The following LYPLAL1 variants were observed in gnomAD, a reference collection of about 807,000 sequenced individuals.
LYPLAL1 encodes lysophospholipase like 1.
A neutral mutation model predicts 19.7 loss-of-function variants in LYPLAL1; 23 were observed. That is an observed-to-expected ratio of 1.17 (90% CI 0.84 to 1.65). The LOEUF (loss-of-function observed/expected upper bound fraction) is 1.65, where lower values mean the gene tolerates loss of function less well. Among genes scored for constraint, LYPLAL1 ranks in the 40% most tolerant of loss-of-function variants. The pLI is 0.00. For missense variants in LYPLAL1, 355 were observed against 279.4 expected (o/e 1.27, Z -1.93); for synonymous variants, 119 against 96.3 (o/e 1.24, Z -1.38).
chr1:219,397,756 A>G, the LYPLAL1 span, among the ~76,000 whole-genome samples: 6 of 152,228 alleles, frequency 3.9e-5, no homozygotes, highest in Non-Finnish European at 8.8e-5. Flanking sequence ...TGGTGGTAAC[A>G]AATTCCCTCA....
chr1:219,342,791 C>A, the LYPLAL1 span, among the ~76,000 whole-genome samples: 1 of 152,124 alleles, frequency 6.6e-6, no homozygotes, highest in Admixed American at 6.6e-5. Context: ...TGAGTTGACT[C>A]ATTGTTTTTC....
intron 2 of LYPLAL1, among the ~76,000 whole-genome samples, chr1:219,179,773 A>G (rs1251437715): frequency 6.6e-6 from 1 of 152,212 alleles, no homozygotes; most frequent in Non-Finnish European, 1.5e-5. Flanking sequence ...TATAACCTGT[A>G]GGTGTGTGCA....
the LYPLAL1 span, among the ~76,000 whole-genome samples, chr1:219,297,427 G>T: frequency 3.3e-5 from 5 of 152,304 alleles, no homozygotes; most frequent in African/African-American, 1.2e-4. Context: ...TATCTCAGAT[G>T]ATTTAAAAAC....
intron 3 of LYPLAL1, among the ~76,000 whole-genome samples, chr1:219,195,589 T>C (rs1433847620): frequency 6.6e-6 from 1 of 152,152 alleles, no homozygotes; most frequent in Non-Finnish European, 1.5e-5. Context: ...GATCCATTAC[T>C]TTATCTAGTT....
At chr1:219,342,574 G>C in the LYPLAL1 span, among the ~76,000 whole-genome samples, 1 of 152,100 alleles carries the variant, frequency 6.6e-6, no homozygotes, top group Admixed American at 6.6e-5. Context: ...AGCCTAATTT[G>C]TTAGTTTATA....
intron 2 of LYPLAL1, among the ~76,000 whole-genome samples, chr1:219,181,629 G>A (rs1158449305): frequency 6.6e-6 from 1 of 152,176 alleles, no homozygotes; most frequent in Non-Finnish European, 1.5e-5. Flanking sequence ...GTGAGGGTGT[G>A]CAAGAATGAA....
At chr1:219,337,590 C>T in the LYPLAL1 span, among the ~76,000 whole-genome samples, 1 of 151,990 alleles carries the variant, frequency 6.6e-6, no homozygotes, top group East Asian at 1.9e-4. Flanking sequence ...TTTCCAACTA[C>T]TCACATCAAA....
At chr1:219,404,271 C>T in the LYPLAL1 span, among the ~76,000 whole-genome samples, 7 of 152,172 alleles carry the variant, frequency 4.6e-5, no homozygotes, top group African/African-American at 1.4e-4. Flanking sequence ...ACATATGGAT[C>T]GTGAAGCTGA....
the LYPLAL1 span, among the ~76,000 whole-genome samples, chr1:219,394,393 A>T: frequency 6.6e-6 from 1 of 152,142 alleles, no homozygotes; most frequent in South Asian, 2.1e-4. Context: ...CATTAAAGAG[A>T]TTCACATGGT....
In LYPLAL1 at chr1:219,211,847, A is replaced by G; in HGVS notation, c.*119A>G. On this transcript the variant is annotated 3_prime_UTR_variant, in exon 5 of 5. Transcript: ENST00000366928. ...ATAACACTTTCCTGACTTTTTTATT[A>G]TTAAAATGCTTATCACTGTAGACAG... 1.5e-6 allele frequency: 1 copy of G among 645,992 alleles called. No individual in the cohort carries two copies. The highest frequency in any genetic ancestry group is 2.6e-6 in the Non-Finnish European group (1 of 391,970). 40.0% of individuals were successfully genotyped at this position (645,992 alleles called of 1,614,324 possible).
chr1:219,188,803 A>G (rs941636987), intron 2 of LYPLAL1, among the ~76,000 whole-genome samples: 3 of 151,354 alleles, frequency 2.0e-5, no homozygotes, highest in African/African-American at 7.3e-5. Context: ...ATATTTATTT[A>G]TTGTGGTAAT....
chr1:219,378,597 G>A, the LYPLAL1 span, among the ~76,000 whole-genome samples: 1 of 152,078 alleles, frequency 6.6e-6, no homozygotes, highest in Non-Finnish European at 1.5e-5. Context: ...AGAAAATGGG[G>A]GTCAGGGGAG....
At chr1:219,442,304 T>C in the LYPLAL1 span, among the ~76,000 whole-genome samples, 25 of 152,326 alleles carry the variant, frequency 1.6e-4, no homozygotes, top group Middle Eastern at 3.4e-3. Flanking sequence ...TTTTTGAAAC[T>C]GAATTGGATT....
At chr1:219,445,354 A>C in the LYPLAL1 span, among the ~76,000 whole-genome samples, 2 of 123,692 alleles carry the variant, frequency 1.6e-5, no homozygotes, top group Non-Finnish European at 3.1e-5. Context: ...CCAAAAAAAA[A>C]CTAGATTATT....
chr1:219,282,056 A>G, the LYPLAL1 span, among the ~76,000 whole-genome samples: 1 of 152,084 alleles, frequency 6.6e-6, no homozygotes, highest in Non-Finnish European at 1.5e-5. Flanking sequence ...CAAACAAACA[A>G]CTAGACACAG....
the LYPLAL1 span, among the ~76,000 whole-genome samples, chr1:219,358,057 T>C: frequency 1.3e-5 from 2 of 152,204 alleles, no homozygotes; most frequent in Non-Finnish European, 2.9e-5. Context: ...GGAAGTATTC[T>C]GCGTCATACT....
At chr1:219,251,298 C>T in the LYPLAL1 span, among the ~76,000 whole-genome samples, 3 of 151,846 alleles carry the variant, frequency 2.0e-5, no homozygotes, top group African/African-American at 7.3e-5. Flanking sequence ...TTAATTAGTT[C>T]CCATTTGTCA....
Position 219,173,931 on chromosome 1 carries a change from T to C in LYPLAL1, c.41T>C (p.Val14Ala). The change falls in exon 1 of 5, where the codon GTG becomes GCG. Residue 14 changes from valine (V) to alanine (A), a missense_variant. Physicochemically the swap from Val to Ala is moderately conservative, Grantham distance 64. Coordinates refer to ENST00000366928, the MANE Select transcript of LYPLAL1 (RefSeq NM_138794.5). The part of the protein sequence containing the change: ...ASGSVLQRCI[V>A]SPAGRHSASL... ...GGGTCGGTTCTGCAGCGCTGTATCG[T>C]GTCGCCGGCAGGGAGGCATAGCGCC... 3.7e-6 allele frequency: 6 copies of C among 1,613,890 alleles called. No homozygotes were observed. The highest frequency in any genetic ancestry group is 5.1e-6 in the Non-Finnish European group (6 of 1,179,960).
chr1:219,250,295 C>G, the LYPLAL1 span, among the ~76,000 whole-genome samples: 1 of 151,922 alleles, frequency 6.6e-6, no homozygotes, highest in Non-Finnish European at 1.5e-5. Flanking sequence ...CCACACTGCC[C>G]TGTTACCCTT....
Sources: gnomAD v4.1 joint callset for allele counts (sites outside exome capture counted in the v4.1 genomes callset) on GRCh38, gnomAD v4.1.1 for gene constraint, MANE v1.5 for transcripts, NCBI Gene and HGNC (gene_info 2026-07-23, HGNC 2026-07-21) for gene names.